The following RBPJ variants were observed in gnomAD, a reference collection of about 807,000 sequenced individuals.
RBPJ encodes recombining binding protein suppressor of hairless.
A neutral mutation model predicts 67.8 loss-of-function variants in RBPJ; 9 were observed. The ratio of observed to expected loss-of-function variants is 0.13; its 90% confidence interval spans 0.08 to 0.23. RBPJ has a LOEUF of 0.23. Ranked by LOEUF, RBPJ falls within the 10% of genes least tolerant of loss-of-function variation. RBPJ has a pLI of 1.00. For synonymous variants in RBPJ, 198 were observed against 203.3 expected, an observed-to-expected ratio of 0.97 and a Z score of 0.22; for missense variants, 305 against 595.6, an observed-to-expected ratio of 0.51 and a Z score of 5.08.
chr4:26,341,043 G>A (rs1441203374), intron 1 of RBPJ, among the ~76,000 whole-genome samples: 1 of 152,098 alleles, frequency 6.6e-6, no homozygotes, highest in Non-Finnish European at 1.5e-5. Flanking sequence ...GGTCAAGGCT[G>A]GGAATAAAAA....
intron 1 of RBPJ, among the ~76,000 whole-genome samples, chr4:26,221,485 TA>T (rs1416255362): frequency 6.6e-6 from 1 of 152,196 alleles, no homozygotes; most frequent in East Asian, 1.9e-4. Context: ...CCAACAGAGA[TA>T]ACTCAAGAGT....
chr4:26,239,749 A>G (rs1056002845), intron 1 of RBPJ, among the ~76,000 whole-genome samples: 9 of 151,352 alleles, frequency 5.9e-5, no homozygotes, highest in Non-Finnish European at 1.3e-4. Flanking sequence ...GGGAGGGGAG[A>G]GGAGAGGAGA....
intron 1 of RBPJ, chr4:26,272,674 A>G (rs888661696): frequency 2.2e-6 from 1 of 452,766 alleles, no homozygotes; most frequent in Non-Finnish European, 4.4e-6. Context: ...AAAGTGATTC[A>G]TTCTTCCTGG....
Position 26,415,658 on chromosome 4 carries a change from G to T in RBPJ, c.321+18G>T. On this transcript the variant is annotated intron_variant, in intron 4 of 10. Transcript: ENST00000355476. ...AAGGAAAGGTAAATCAAGACTGCTA[G>T]TTCACCAGAAAGGGGCACCATGGTA... The T allele has an allele frequency of 6.3e-7, 1 of 1,587,214 alleles. No individual in the cohort carries two copies. Among genetic ancestry groups the T allele is most frequent in the Non-Finnish European group, 8.6e-7 (1 of 1,168,964 alleles).
chr4:26,388,216 T>C (rs1343487061), intron 2 of RBPJ, among the ~76,000 whole-genome samples: 1 of 152,162 alleles, frequency 6.6e-6, no homozygotes, highest in Non-Finnish European at 1.5e-5. Flanking sequence ...AGGCTCATCT[T>C]GAACTCTTGG....
At chr4:26,348,581 G>A (rs1486080539) in intron 1 of RBPJ, among the ~76,000 whole-genome samples, 1 of 152,108 alleles carries the variant, frequency 6.6e-6, no homozygotes, top group African/African-American at 2.4e-5. Flanking sequence ...ATATTGTACT[G>A]TACCAATATA....
chr4:26,222,480 GT>G (rs1718942642), intron 1 of RBPJ, among the ~76,000 whole-genome samples: 1 of 132,366 alleles, frequency 7.6e-6, no homozygotes, highest in Non-Finnish European at 1.6e-5. Flanking sequence ...GGGCGACAGA[GT>G]GAAACTCAAT....
rs538450421 is a variant in RBPJ at position 26,297,478 on chromosome 4, T to C, written c.-166-64968T>C. Among the ~76,000 whole-genome samples the C allele has an allele frequency of 3.3e-5, 5 of 152,124 alleles. 1 individual carries two copies. Among genetic ancestry groups the C allele is most frequent in the African/African-American group, 7.2e-5 (3 of 41,504 alleles). On this transcript the variant is annotated intron_variant, in intron 1 of 4. Transcript: ENST00000512351. ...ATCCAGCAGTGACTGAGAATGTCGA[T>C]GGAAGATGCTGGCCTTCGCTTCCAC... is the stretch of plus-strand genomic sequence containing the variant.
chr4:26,370,542 G>A (rs1195652575), intron 1 of RBPJ, among the ~76,000 whole-genome samples: 1 of 152,138 alleles, frequency 6.6e-6, no homozygotes, highest in Non-Finnish European at 1.5e-5. Flanking sequence ...AATTTGTAAG[G>A]TGTATTGAGA....
chr4:26,255,338 AG>A (rs1439940379), intron 1 of RBPJ, among the ~76,000 whole-genome samples: 1 of 108,720 alleles, frequency 9.2e-6, no homozygotes, highest in Non-Finnish European at 1.7e-5. Context: ...CAGGAGGCGG[AG>A]CTTGCAGTGA....
Position 26,236,095 on chromosome 4 carries a change from T to C in RBPJ, c.-167+72481T>C, listed in dbSNP as rs78404546. Among the ~76,000 whole-genome samples the C allele has an allele frequency of 6.4e-3, 976 of 152,316 alleles. 8 individuals carry two copies. The highest frequency in any genetic ancestry group is 0.014 in the Middle Eastern group (4 of 294). ...TTATCACATCAGCACACTGAATAAA[T>C]GAGCCCAGAAATAGAATTGTGGATA... On this transcript the variant is annotated intron_variant, in intron 1 of 4. Transcript: ENST00000512351.
chr4:26,427,649 T>C (rs1196359456), intron 7 of RBPJ, among the ~76,000 whole-genome samples: 1 of 152,154 alleles, frequency 6.6e-6, no homozygotes, highest in African/African-American at 2.4e-5. Flanking sequence ...TGGAAATCCT[T>C]GGTGGCTTTG....
At chr4:26,411,016 A>G (rs1733955331) in intron 3 of RBPJ, among the ~76,000 whole-genome samples, 1 of 152,228 alleles carries the variant, frequency 6.6e-6, no homozygotes, top group African/African-American at 2.4e-5. Context: ...TAAGCTAACC[A>G]CTTTTCAGAC....
At chr4:26,231,022 G>C (rs887108837) in intron 1 of RBPJ, among the ~76,000 whole-genome samples, 2 of 152,136 alleles carry the variant, frequency 1.3e-5, no homozygotes, top group Non-Finnish European at 2.9e-5. Context: ...GCATAAGCAG[G>C]CTCTATAAAC....
upstream of RBPJ, among the ~76,000 whole-genome samples, chr4:26,158,456 C>T (rs187694804): frequency 6.6e-6 from 1 of 152,286 alleles, no homozygotes; most frequent in African/African-American, 2.4e-5. Flanking sequence ...ACTTGTACTA[C>T]AAAATTATTG....
intron 1 of RBPJ, among the ~76,000 whole-genome samples, chr4:26,262,595 G>A (rs1358390861): frequency 6.6e-6 from 1 of 152,020 alleles, no homozygotes; most frequent in Non-Finnish European, 1.5e-5. Flanking sequence ...TTTGTGTTGG[G>A]ATTCCTGGAG....
intron 2 of RBPJ, among the ~76,000 whole-genome samples, chr4:26,405,857 G>T (rs982914945): frequency 6.6e-6 from 1 of 152,118 alleles, no homozygotes; most frequent in African/African-American, 2.4e-5. Context: ...AGCCACATTA[G>T]CAGTGTATAT....
chr4:26,177,043 C>T (rs1489270004), intron 1 of RBPJ, among the ~76,000 whole-genome samples: 2 of 152,182 alleles, frequency 1.3e-5, no homozygotes, highest in South Asian at 2.1e-4. Flanking sequence ...CCTTCTTAGA[C>T]TTGTGACACT....
At chr4:26,142,776 G>A in the RBPJ span, among the ~76,000 whole-genome samples, 1 of 151,662 alleles carries the variant, frequency 6.6e-6, no homozygotes, top group African/African-American at 2.4e-5. Flanking sequence ...GTGTGTATGT[G>A]TGTGTGTGTG....
Sources: allele counts gnomAD v4.1 joint callset (sites outside exome capture counted in the v4.1 genomes callset), GRCh38; gene constraint gnomAD v4.1.1; transcripts MANE v1.5; gene names NCBI Gene and HGNC (gene_info 2026-07-23, HGNC 2026-07-21).